CEP128: variants seen among roughly 807,000 people sequenced by gnomAD.
CEP128 encodes the protein centrosomal protein 128.
In CEP128, 132 loss-of-function variants were observed where a neutral mutation model predicts 156.7. The observed-to-expected ratio is 0.84, with a 90% CI of 0.73 to 0.97. CEP128 has a LOEUF of 0.97. Among genes scored for constraint, CEP128 ranks in the 50% least tolerant of loss-of-function variants. The pLI is 0.00. For synonymous variants in CEP128, 469 were observed against 448.9 expected (o/e 1.04, Z -0.57); for missense variants, 1,252 against 1,281.9 (o/e 0.98, Z 0.36).
intron 19 of CEP128, among the ~76,000 whole-genome samples, chr14:80,723,956 TC>T (rs1258614524): frequency 3.9e-5 from 6 of 152,180 alleles, no homozygotes; most frequent in Non-Finnish European, 1.5e-5. Flanking sequence ...TCATCCATCA[TC>T]ATAAAACAGA....
intron 16 of CEP128, among the ~76,000 whole-genome samples, chr14:80,770,516 A>C (rs926538116): frequency 4.5e-4 from 68 of 152,290 alleles, no homozygotes; most frequent in African/African-American, 1.6e-3. Flanking sequence ...ATTCTCTGTA[A>C]AAGTCAAGGA....
At chr14:80,743,533 T>C (rs770394227) in intron 18 of CEP128, among the ~76,000 whole-genome samples, 9 of 152,188 alleles carry the variant, frequency 5.9e-5, no homozygotes, top group Non-Finnish European at 1.3e-4. Flanking sequence ...TATTAAACTT[T>C]CAATAATATT....
chr14:80,782,180 T>C (rs1403540520), intron 15 of CEP128, among the ~76,000 whole-genome samples: 3 of 152,206 alleles, frequency 2.0e-5, no homozygotes, highest in African/African-American at 7.2e-5. Flanking sequence ...GTTTTTGGCA[T>C]GTGACCAATT....
chr14:80,681,104 T>C (rs968096599), intron 19 of CEP128, among the ~76,000 whole-genome samples: 2 of 151,636 alleles, frequency 1.3e-5, no homozygotes, highest in Admixed American at 6.6e-5. Flanking sequence ...CAGCCCAATA[T>C]AAAATCTGCC....
Position 80,856,038 on chromosome 14 carries a change from A to T in CEP128, c.762+6719T>A, listed in dbSNP as rs192953758. Among the ~76,000 whole-genome samples the T allele has an allele frequency of 2.5e-3, 385 of 152,332 alleles. 2 individuals carry two copies. The highest frequency in any genetic ancestry group is 3.9e-3 in the Non-Finnish European group (268 of 68,026). ...ACTTCTTCATTAGGTTTTTCCAAAA[A>T]AATGAAGAAAAATGTTGGAAAAAAA... On this transcript the variant is annotated intron_variant, in intron 9 of 24. Coordinates refer to ENST00000555265, the MANE Select transcript of CEP128 (RefSeq NM_152446.5).
At chr14:80,637,210 T>C (rs952625194) in intron 19 of CEP128, among the ~76,000 whole-genome samples, 8 of 152,208 alleles carry the variant, frequency 5.3e-5, no homozygotes, top group African/African-American at 1.9e-4. Context: ...CTACCCATGG[T>C]AAGCAGAATT....
rs549775674 is a variant in CEP128, at chr14:80,888,942, C to CA, written c.645+6775dup. ...GCAACTTCAGCAAAGTCTCAGGATA[C>CA]AAAATCAATGGGCAAAAATCACAAG... On this transcript the variant is annotated intron_variant, in intron 8 of 24. Coordinates refer to ENST00000555265, the MANE Select transcript of CEP128 (RefSeq NM_152446.5). Among the ~76,000 whole-genome samples the CA allele has an allele frequency of 2.9e-3, 437 of 152,222 alleles. 2 individuals carry two copies. Among genetic ancestry groups the CA allele is most frequent in the African/African-American group, 1.0e-2 (414 of 41,552 alleles).
rs1313573027 is a variant in CEP128, at chr14:80,511,186, TTAGTTCTTTAAG to T, written c.3073-6178_3073-6167del. Among the ~76,000 whole-genome samples, 219 of 152,008 alleles carry T rather than the reference TTAGTTCTTTAAG, an allele frequency of 1.4e-3. 1 individual carries two copies. The highest frequency in any genetic ancestry group is 5.0e-3 in the African/African-American group (206 of 41,518). On this transcript the variant is annotated intron_variant, in intron 23 of 24. Coordinates refer to ENST00000555265, the MANE Select transcript of CEP128 (RefSeq NM_152446.5). ...TGAAATAGGTTGAGTAAGATTGGTATTAGTTCTTTAAGTGTTTGTTAGAATTCAGCAGTGAAG... is the reference window on the plus strand; with the variant it reads ...TGAAATAGGTTGAGTAAGATTGGTATTGTTTGTTAGAATTCAGCAGTGAAG...
rs1166077625 is a variant in CEP128, at chr14:80,788,524, T to C, written c.1561-2979A>G. On this transcript the variant is annotated intron_variant, in intron 14 of 24. Coordinates refer to ENST00000555265, the MANE Select transcript of CEP128 (RefSeq NM_152446.5). ...GTTTCAACCTAAACTTGTCTTTCTC[T>C]TGTAAGACCTTACTGAAGGCTGAAA... is the stretch of plus-strand genomic sequence containing the variant. 2.6e-5 allele frequency among the ~76,000 whole-genome samples: 4 copies of C among 152,082 alleles called. No individual in the cohort carries two copies. The East Asian group carries it at 7.7e-4, about 29-fold the overall frequency.
intron 19 of CEP128, among the ~76,000 whole-genome samples, chr14:80,608,772 G>A (rs1055885043): frequency 2.6e-5 from 4 of 152,110 alleles, no homozygotes; most frequent in Non-Finnish European, 5.9e-5. Flanking sequence ...TCCCACGTGG[G>A]GTTAGATACT....
At chr14:80,645,265 A>G (rs1894586261) in intron 19 of CEP128, among the ~76,000 whole-genome samples, 1 of 152,206 alleles carries the variant, frequency 6.6e-6, no homozygotes, top group African/African-American at 2.4e-5. Flanking sequence ...ATTTCAAAAC[A>G]TAATCACATG....
chr14:80,574,177 G>A (rs1468890444), intron 20 of CEP128, among the ~76,000 whole-genome samples: 4 of 152,148 alleles, frequency 2.6e-5, no homozygotes, highest in African/African-American at 9.7e-5. Context: ...TTCTAAAAAT[G>A]TACTTTAGTA....
At chr14:80,482,460 C>T (rs891413191) in intron 14 of CEP128, among the ~76,000 whole-genome samples, 1 of 152,196 alleles carries the variant, frequency 6.6e-6, no homozygotes, top group African/African-American at 2.4e-5. Context: ...CATACAGTTT[C>T]TTTCATTGTG....
At chr14:80,783,641 T>A (rs760039022) in intron 15 of CEP128, among the ~76,000 whole-genome samples, 38 of 152,220 alleles carry the variant, frequency 2.5e-4, no homozygotes, top group Non-Finnish European at 4.3e-4. Context: ...CTACTTTCTA[T>A]ATTCATCAAC....
intron 2 of CEP128, among the ~76,000 whole-genome samples, chr14:80,931,404 A>T (rs1445515440): frequency 1.3e-5 from 2 of 152,210 alleles, no homozygotes; most frequent in Non-Finnish European, 2.9e-5. Flanking sequence ...GGATGTGATT[A>T]AAATTATCAG....
intron 20 of CEP128, among the ~76,000 whole-genome samples, chr14:80,559,655 T>C (rs966608704): frequency 1.3e-5 from 2 of 152,188 alleles, no homozygotes; most frequent in Admixed American, 6.5e-5. Context: ...ACAAGAGTAG[T>C]GATATAGACA....
At chr14:80,795,086 A>C (rs327430) in intron 13 of CEP128, among the ~76,000 whole-genome samples, 1,785 of 152,312 alleles carry the variant, frequency 0.012, 48 homozygotes, top group African/African-American at 0.041. Context: ...CACAGCTAAT[A>C]AGTGAGGGCA....
rs893121649 is a variant in CEP128, at chr14:80,633,055, C to T, written c.2807-52632G>A. ...CAGCCTGGGCAACATAGTGGGACTC[C>T]GTTTCTACAAAAAAATAAAAAATTA... On this transcript the variant is annotated intron_variant, in intron 19 of 24. Transcript: ENST00000555265. 2.0e-4 allele frequency among the ~76,000 whole-genome samples: 30 copies of T among 151,888 alleles called. 1 individual carries two copies. Among genetic ancestry groups the T allele is most frequent in the Admixed American group, 1.5e-3 (23 of 15,236 alleles).
chr14:80,517,777 G>A (rs966310548), intron 23 of CEP128, among the ~76,000 whole-genome samples: 4 of 152,092 alleles, frequency 2.6e-5, no homozygotes, highest in Non-Finnish European at 4.4e-5. Context: ...TAGAAGCTGT[G>A]GGTCATGGAA....
Sources: gnomAD v4.1 joint callset for allele counts (sites outside exome capture counted in the v4.1 genomes callset) on GRCh38, gnomAD v4.1.1 for gene constraint, MANE v1.5 for transcripts, NCBI Gene and HGNC (gene_info 2026-07-23, HGNC 2026-07-21) for gene names.